Variants in FRAS1 observed in about 807,000 individuals in gnomAD.
FRAS1 encodes the protein extracellular matrix organizing protein FRAS1.
In FRAS1, 290 loss-of-function variants were observed where a neutral mutation model predicts 435.2. That is an observed-to-expected ratio of 0.67 (90% CI 0.61 to 0.73). FRAS1 has a LOEUF of 0.73. FRAS1 is among the 30% of genes least tolerant of loss of function. FRAS1 has a pLI of 0.00. For missense variants in FRAS1, 4,860 were observed against 5,001.5 expected (o/e 0.97, Z 0.85); for synonymous variants, 1,800 against 1,851.0 (o/e 0.97, Z 0.71).
intron 2 of FRAS1, among the ~76,000 whole-genome samples, chr4:78,115,257 C>G (rs1267342478): frequency 6.6e-6 from 1 of 152,130 alleles, no homozygotes; most frequent in Admixed American, 6.6e-5. Context: ...ATTTTTGCAT[C>G]CATGTTCATC....
At chr4:78,326,598 A>G (rs909235910) in intron 18 of FRAS1, among the ~76,000 whole-genome samples, 3 of 152,204 alleles carry the variant, frequency 2.0e-5, no homozygotes, top group African/African-American at 4.8e-5. Flanking sequence ...CCCAGAAAAG[A>G]TATCTCCTAG....
At chr4:78,429,346 T>G in intron 36 of FRAS1, 120 bp downstream of exon 36, 1 of 1,262,792 alleles carries the variant, frequency 7.9e-7, no homozygotes. Context: ...TTGCCTGCAT[T>G]CTCACCTGTA....
chr4:78,301,246 T>C (rs890091416), intron 14 of FRAS1, among the ~76,000 whole-genome samples: 1 of 152,160 alleles, frequency 6.6e-6, no homozygotes, highest in Non-Finnish European at 1.5e-5. Context: ...AGAAACCTTT[T>C]AAGAATTAGG....
At chr4:78,180,865 G>A (rs1721969024) in intron 2 of FRAS1, 1 of 1,588,922 alleles carries the variant, frequency 6.3e-7, no homozygotes, top group African/African-American at 1.3e-5. Flanking sequence ...ATGGCATCCA[G>A]TTAAGCCAGA....
chr4:78,368,422 T>G (rs1731364731), intron 22 of FRAS1, among the ~76,000 whole-genome samples: 1 of 151,296 alleles, frequency 6.6e-6, no homozygotes, highest in Non-Finnish European at 1.5e-5. Flanking sequence ...TTTCTCTCTG[T>G]ACTTTTCCTC....
At chr4:78,313,061 G>T (rs1560647675) in intron 15 of FRAS1, among the ~76,000 whole-genome samples, 2 of 151,908 alleles carry the variant, frequency 1.3e-5, no homozygotes, top group Non-Finnish European at 2.9e-5. Context: ...TTTTATTGTT[G>T]GTCAATTCTA....
intron 1 of FRAS1, among the ~76,000 whole-genome samples, chr4:78,062,595 G>A (rs1243972070): frequency 6.6e-6 from 1 of 152,018 alleles, no homozygotes; most frequent in Non-Finnish European, 1.5e-5. Context: ...TTTACCAACG[G>A]TTTCAGAATA....
intron 58 of FRAS1, among the ~76,000 whole-genome samples, chr4:78,486,935 GA>G (rs1357050432): frequency 6.7e-6 from 1 of 150,226 alleles, no homozygotes; most frequent in African/African-American, 2.4e-5. Flanking sequence ...ATTTGGAGTT[GA>G]TTAATGCATG....
intron 18 of FRAS1, among the ~76,000 whole-genome samples, chr4:78,329,884 C>T (rs1729873438): frequency 6.6e-6 from 1 of 152,202 alleles, no homozygotes; most frequent in African/African-American, 2.4e-5. Flanking sequence ...AACCCCATGA[C>T]TTGGATTAAG....
intron 47 of FRAS1, among the ~76,000 whole-genome samples, chr4:78,455,426 G>GC (rs947390483): frequency 1.3e-5 from 2 of 149,934 alleles, no homozygotes; most frequent in Non-Finnish European, 1.5e-5. Context: ...GAGGAGGGAG[G>GC]GGGTTCTGTT....
chr4:78,234,321 G>C (rs1300432953), intron 2 of FRAS1, among the ~76,000 whole-genome samples: 1 of 152,052 alleles, frequency 6.6e-6, no homozygotes, highest in Non-Finnish European at 1.5e-5. Context: ...CGCCTCCCGG[G>C]TTCACGCCAT....
intron 15 of FRAS1, among the ~76,000 whole-genome samples, chr4:78,312,898 A>AAAGC (rs1291807101): frequency 4.0e-5 from 6 of 151,764 alleles, no homozygotes; most frequent in Non-Finnish European, 5.9e-5. Flanking sequence ...AGAAAGAAAG[A>AAAGC]AAGCTCATCA....
intron 2 of FRAS1, among the ~76,000 whole-genome samples, chr4:78,168,382 T>TTTTTTTG (rs1313057659): frequency 1.3e-5 from 2 of 152,120 alleles, no homozygotes; most frequent in Non-Finnish European, 2.9e-5. Context: ...AAAAGATGTT[T>TTTTTTTG]TTTTTTGTTT....
intron 38 of FRAS1, among the ~76,000 whole-genome samples, chr4:78,434,819 A>G (rs1034572626): frequency 6.6e-6 from 1 of 152,226 alleles, no homozygotes; most frequent in Non-Finnish European, 1.5e-5. Context: ...CCTGGTCTAA[A>G]TCTAGCAAAA....
intron 49 of FRAS1, among the ~76,000 whole-genome samples, chr4:78,465,915 A>G (rs146562825): frequency 3.3e-5 from 5 of 152,244 alleles, no homozygotes; most frequent in East Asian, 1.9e-4. Context: ...AAAAAGGTCT[A>G]TTTTCTTTCA....
At chr4:78,402,745 A>T (rs369994646) in intron 30 of FRAS1, among the ~76,000 whole-genome samples, 1 of 152,102 alleles carries the variant, frequency 6.6e-6, no homozygotes, top group Non-Finnish European at 1.5e-5. Context: ...CAGGATCTCA[A>T]TTACACTTAT....
chr4:78,232,661 T>C (rs1724567081), intron 2 of FRAS1, among the ~76,000 whole-genome samples: 1 of 152,210 alleles, frequency 6.6e-6, no homozygotes, highest in African/African-American at 2.4e-5. Context: ...GACATTAATG[T>C]AGTAATGACA....
intron 2 of FRAS1, among the ~76,000 whole-genome samples, chr4:78,205,295 A>C (rs762735960): frequency 6.7e-6 from 1 of 150,140 alleles, no homozygotes; most frequent in Non-Finnish European, 1.5e-5. Context: ...TGGAGTTCAT[A>C]GGCTCAAGCA....
chr4:78,308,757 A>G (rs1728895766), intron 15 of FRAS1, among the ~76,000 whole-genome samples: 1 of 152,196 alleles, frequency 6.6e-6, no homozygotes, highest in African/African-American at 2.4e-5. Flanking sequence ...CTTTATAAAT[A>G]TTAACCCACT....
Sources: gnomAD v4.1 joint callset for allele counts (sites outside exome capture counted in the v4.1 genomes callset) on GRCh38, gnomAD v4.1.1 for gene constraint, MANE v1.5 for transcripts, NCBI Gene and HGNC (gene_info 2026-07-23, HGNC 2026-07-21) for gene names.